Variants in EGFLAM observed in about 807,000 individuals in gnomAD.
EGFLAM encodes pikachurin.
Under a neutral mutation model 113.1 loss-of-function variants are expected in EGFLAM, and 79 were observed. The observed-to-expected ratio is 0.70, with a 90% CI of 0.58 to 0.84. EGFLAM has a LOEUF of 0.84. EGFLAM is among the 40% of genes least tolerant of loss of function. The pLI is 0.00. For missense variants in EGFLAM, 1,265 were observed against 1,291.6 expected, an observed-to-expected ratio of 0.98 and a Z score of 0.32; for synonymous variants, 504 against 487.6, an observed-to-expected ratio of 1.03 and a Z score of -0.44.
intron 17 of EGFLAM, among the ~76,000 whole-genome samples, chr5:38,447,582 C>T (rs553708401): frequency 3.9e-4 from 59 of 152,038 alleles, no homozygotes; most frequent in Middle Eastern, 3.4e-3. Context: ...GTGGTGAAAC[C>T]CCATCTCTAC....
intron 6 of EGFLAM, among the ~76,000 whole-genome samples, chr5:38,375,461 C>A (rs1243132803): frequency 2.0e-5 from 3 of 152,150 alleles, no homozygotes; most frequent in Admixed American, 6.5e-5. Flanking sequence ...TCAAGGAGAT[C>A]CTTGAGGCTA....
chr5:38,399,748 G>T (rs1044468601), intron 6 of EGFLAM: 1 of 152,126 alleles, frequency 6.6e-6, no homozygotes, highest in East Asian at 1.9e-4. Flanking sequence ...CAAGAGTAGG[G>T]AATAAGTGTT....
intron 1 of EGFLAM, among the ~76,000 whole-genome samples, chr5:38,282,967 C>T (rs1758055608): frequency 6.6e-6 from 1 of 152,124 alleles, no homozygotes; most frequent in Admixed American, 6.6e-5. Context: ...ACCTCAGCCC[C>T]CAGCCCCCTG....
intron 1 of EGFLAM, among the ~76,000 whole-genome samples, chr5:38,261,201 C>A (rs1466206480): frequency 1.3e-5 from 2 of 152,200 alleles, no homozygotes; most frequent in African/African-American, 4.8e-5. Context: ...AAGTCTGAGT[C>A]TAGTTTGGGT....
chr5:38,380,902 A>G (rs1289795931), intron 6 of EGFLAM, among the ~76,000 whole-genome samples: 1 of 152,202 alleles, frequency 6.6e-6, no homozygotes, highest in African/African-American at 2.4e-5. Context: ...TAGAGAAGAG[A>G]GACTAAAGCA....
intron 6 of EGFLAM, among the ~76,000 whole-genome samples, chr5:38,384,672 T>C (rs945179224): frequency 2.6e-5 from 4 of 152,108 alleles, no homozygotes; most frequent in African/African-American, 7.2e-5. Context: ...GAGTGGCCCA[T>C]AGGGACCTGG....
At chr5:38,337,941 C>A (rs892372098) in intron 2 of EGFLAM, among the ~76,000 whole-genome samples, 4 of 151,952 alleles carry the variant, frequency 2.6e-5, no homozygotes, top group Admixed American at 2.6e-4. Context: ...AGTAGGAACA[C>A]GGGAAACAGG....
chr5:38,426,834 A>C (rs781229718), intron 13 of EGFLAM, among the ~76,000 whole-genome samples, 175 bp from the exon 14 acceptor site: 9 of 152,178 alleles, frequency 5.9e-5, no homozygotes, highest in Non-Finnish European at 1.0e-4. Context: ...GTGCTCTATG[A>C]TTCTTCCACC....
intron 5 of EGFLAM, 84 bp from the exon 6 acceptor site, chr5:38,370,212 G>A: frequency 7.2e-7 from 1 of 1,385,678 alleles, no homozygotes; most frequent in East Asian, 2.3e-5. Context: ...GAGTTCAAAT[G>A]CTATTAGTTT....
At chr5:38,341,214 A>G (rs1739327714) in intron 3 of EGFLAM, among the ~76,000 whole-genome samples, 1 of 152,202 alleles carries the variant, frequency 6.6e-6, no homozygotes, top group African/African-American at 2.4e-5. Context: ...TCACGCTGCT[A>G]ATAAAGGCAT....
intron 5 of EGFLAM, among the ~76,000 whole-genome samples, chr5:38,360,661 T>A (rs187960506): frequency 1.0e-3 from 154 of 152,242 alleles, no homozygotes; most frequent in Admixed American, 6.4e-3. Flanking sequence ...GGGGTTATTA[T>A]GAAATTACAT....
chr5:38,412,482 T>C, intron 10 of EGFLAM, 22 bp from the exon 11 acceptor site: 1 of 1,614,096 alleles, frequency 6.2e-7, no homozygotes, highest in Non-Finnish European at 8.5e-7. Context: ...AGAAATCTTC[T>C]TTTCCTTTTC....
intron 1 of EGFLAM, among the ~76,000 whole-genome samples, chr5:38,332,234 G>A (rs72740316): frequency 0.093 from 14,156 of 152,152 alleles, 823 homozygotes; most frequent in Middle Eastern, 0.14. Flanking sequence ...CTTTTTTGGT[G>A]AGATGTCTGT....
At chr5:38,412,356 A>G in intron 10 of EGFLAM, 148 bp from the exon 11 acceptor site, 1 of 1,200,226 alleles carries the variant, frequency 8.3e-7, no homozygotes, top group Non-Finnish European at 1.2e-6. Context: ...CCCTGTATTG[A>G]TTTCAACAGC....
chr5:38,284,589 C>T (rs1479707778), intron 1 of EGFLAM, among the ~76,000 whole-genome samples: 1 of 152,196 alleles, frequency 6.6e-6, no homozygotes, highest in African/African-American at 2.4e-5. Context: ...AGGCCTGCTG[C>T]TTTCTTTTGT....
intron 6 of EGFLAM, among the ~76,000 whole-genome samples, chr5:38,405,773 T>G (rs1741264113): frequency 6.6e-6 from 1 of 152,208 alleles, no homozygotes; most frequent in African/African-American, 2.4e-5. Context: ...TTATGAAATA[T>G]TTCCAAGTAT....
At chr5:38,427,835 C>G (rs1472974536) in intron 14 of EGFLAM, among the ~76,000 whole-genome samples, 1 of 152,160 alleles carries the variant, frequency 6.6e-6, no homozygotes, top group African/African-American at 2.4e-5. Context: ...GTTTCAATAG[C>G]ATAGCAGGAA....
At chr5:38,317,947 C>G (rs562174561) in intron 1 of EGFLAM, among the ~76,000 whole-genome samples, 1 of 152,072 alleles carries the variant, frequency 6.6e-6, no homozygotes, top group South Asian at 2.1e-4. Flanking sequence ...AGGAGGAAAC[C>G]GGAGAGAAAC....
At chr5:38,351,403 G>C (rs1298387026) in intron 4 of EGFLAM, among the ~76,000 whole-genome samples, 1 of 151,890 alleles carries the variant, frequency 6.6e-6, no homozygotes, top group Non-Finnish European at 1.5e-5. Flanking sequence ...CACCGCGCCT[G>C]GTGACAGCAG....
Sources: allele counts gnomAD v4.1 joint callset (sites outside exome capture counted in the v4.1 genomes callset), GRCh38; gene constraint gnomAD v4.1.1; transcripts MANE v1.5; gene names NCBI Gene and HGNC (gene_info 2026-07-23, HGNC 2026-07-21).